Variants in TNNI1 observed in about 807,000 individuals in gnomAD.
TNNI1 encodes the protein troponin I1, slow skeletal type.
In TNNI1, 14 loss-of-function variants were observed where a neutral mutation model predicts 26.7. That is an observed-to-expected ratio of 0.52 (90% CI 0.35 to 0.82). The LOEUF (loss-of-function observed/expected upper bound fraction) is 0.82. Ranked by LOEUF, TNNI1 falls within the 40% of genes least tolerant of loss-of-function variation. The probability of loss-of-function intolerance (pLI) is 0.01; values close to 1 mark genes in which losing one functional copy is unlikely to be tolerated. For missense variants in TNNI1, 164 were observed against 257.0 expected (o/e 0.64, Z 2.47); for synonymous variants, 79 against 98.2 (o/e 0.80, Z 1.16).
chr1:201,413,163 G>T, intron 5 of TNNI1, 42 bp from the exon 6 acceptor site: 1 of 1,605,414 alleles, frequency 6.2e-7, no homozygotes, highest in Non-Finnish European at 8.5e-7. Flanking sequence ...AAGAAGAGGG[G>T]AACAGAGACA....
rs557583110 is a variant in TNNI1, at chr1:201,404,264, G to A, written c.*4989C>T. Reference sequence around the variant, plus strand: ...CCTTTCTCGGACAGGACAGAGTGGAGATCCAGGGGGATCCCCAGCCCCAAC... The same window carrying A: ...CCTTTCTCGGACAGGACAGAGTGGAAATCCAGGGGGATCCCCAGCCCCAAC... On this transcript the variant is annotated 3_prime_UTR_variant, in exon 9 of 9. Transcript: ENST00000361379. The A allele has an allele frequency of 6.6e-6, 1 of 152,300 alleles. No individual in the cohort carries two copies. Among genetic ancestry groups the A allele is most frequent in the South Asian group, 2.1e-4 (1 of 4,816 alleles). 9.4% of individuals were successfully genotyped at this position (152,300 alleles called of 1,614,324 possible).
In TNNI1 at chr1:201,409,082, C is replaced by T. The variant is rs1214197278; in HGVS notation, c.*171G>A. On this transcript the variant is annotated 3_prime_UTR_variant, in exon 9 of 9. Transcript: ENST00000361379. ...TCTTCAGACACTCGCGTTTTTCCTG[C>T]CTCTTGGGTATCTGTTTAATCCCAG... 2 of 152,296 alleles carry T rather than the reference C, an allele frequency of 1.3e-5. No homozygotes were observed. Among genetic ancestry groups the T allele is most frequent in the East Asian group, 1.9e-4 (1 of 5,170 alleles). The allele number at this position is 152,296 out of a possible 1,614,324, so 9.4% of individuals were successfully genotyped here. A position where few individuals can be genotyped will look rare whatever the true frequency, so the allele number is the denominator to read the frequency against.
At chr1:201,410,087 C>T in intron 8 of TNNI1, 1 of 457,514 alleles carries the variant, frequency 2.2e-6, no homozygotes, top group Non-Finnish European at 3.9e-6. Context: ...TTTGATACAG[C>T]CCCCAATTTC....
At position 201,403,998 on chromosome 1, in the gene TNNI1, C is replaced by CTT. The variant is rs1662469153; in HGVS notation, c.*5253_*5254dup. The CTT allele has an allele frequency of 1.3e-5, 2 of 152,152 alleles. 1 individual carries two copies. Among genetic ancestry groups the CTT allele is most frequent in the Non-Finnish European group, 2.9e-5 (2 of 68,028 alleles). The allele number at this position is 152,152 out of a possible 1,614,324, so 9.4% of individuals were successfully genotyped here. A position where few individuals can be genotyped will look rare whatever the true frequency, so the allele number is the denominator to read the frequency against. ...GCAGATGGGTGTTCACTTTACGATTCTTTATACGTACATTAAAAACGTATG... is the reference window on the plus strand; with the variant it reads ...GCAGATGGGTGTTCACTTTACGATTCTTTTTATACGTACATTAAAAACGTATG... On this transcript the variant is annotated 3_prime_UTR_variant, in exon 9 of 9. Transcript: ENST00000361379.
intron 3 of TNNI1, 131 bp downstream of exon 3, chr1:201,416,985 A>G (rs780171328): frequency 5.6e-6 from 6 of 1,071,874 alleles, no homozygotes; most frequent in Non-Finnish European, 8.7e-6. Flanking sequence ...GCCACTAAAT[A>G]CCCTACACCC....
chr1:201,406,426 T>G lies in TNNI1; in HGVS notation c.*2827A>C, dbSNP rs1473483005. ...TCCTGGGACCACCACTTATTAGCTG[T>G]GTGATCATGAAAAGTCCCTAACCTC... On this transcript the variant is annotated 3_prime_UTR_variant, in exon 9 of 9. Coordinates refer to ENST00000361379, the MANE Select transcript of TNNI1 (RefSeq NM_003281.4). 6.6e-6 allele frequency: 1 copy of G among 152,234 alleles called. No individual in the cohort carries two copies. Among genetic ancestry groups the G allele is most frequent in the Non-Finnish European group, 1.5e-5 (1 of 68,032 alleles). 9.4% of individuals were successfully genotyped at this position (152,234 alleles called of 1,614,324 possible).
rs1490154423 is a variant in TNNI1 at position 201,411,039 on chromosome 1, C to T, written c.456+318G>A. Among the ~76,000 whole-genome samples, 1 of 152,224 alleles carries T rather than the reference C, an allele frequency of 6.6e-6. No homozygotes were observed. The highest frequency in any genetic ancestry group is 1.5e-5 in the Non-Finnish European group (1 of 68,040). On this transcript the variant is annotated intron_variant, in intron 7 of 8. Transcript: ENST00000361379. This position sits in a 1 kb window ranked among gnomAD's most constrained non-coding sequence, Gnocchi z 4.6. ...GTCTCCTTTCCCTGTGGTGACCAGG[C>T]AGTCATCTCCACCATTACCCTAAAT...
rs529744755 is a variant in TNNI1, at chr1:201,404,380, G to A, written c.*4873C>T. On this transcript the variant is annotated 3_prime_UTR_variant, in exon 9 of 9. Transcript: ENST00000361379. ...ACTGCCATGCTTGTGGCACTCTTAGGGGAAGGGAAGAAATGAATGAGGTGA... is the reference window on the plus strand; with the variant it reads ...ACTGCCATGCTTGTGGCACTCTTAGAGGAAGGGAAGAAATGAATGAGGTGA... 2 of 152,246 alleles carry A rather than the reference G, an allele frequency of 1.3e-5. No individual in the cohort carries two copies. The highest frequency in any genetic ancestry group is 2.1e-4 in the South Asian group (1 of 4,814). 9.4% of individuals were successfully genotyped at this position (152,246 alleles called of 1,614,324 possible).
chr1:201,410,079 T>C, intron 8 of TNNI1: 1 of 431,978 alleles, frequency 2.3e-6, no homozygotes, highest in South Asian at 3.5e-5. Context: ...ACCACTGATT[T>C]GATACAGCCC....
chr1:201,417,133 T>C lies in TNNI1; in HGVS notation c.12-14A>G. The C allele has an allele frequency of 6.2e-7, 1 of 1,613,940 alleles. No individual in the cohort carries two copies. The highest frequency in any genetic ancestry group is 8.5e-7 in the Non-Finnish European group (1 of 1,179,968). ...TCACTTACCTCGCTTCAGGCATCCA[T>C]CACAGGAAGGACGGGGAAAGAGCAG... On this transcript the variant is annotated splice_polypyrimidine_tract_variant and intron_variant, in intron 2 of 8. Transcript: ENST00000361379.
At chr1:201,412,501 G>A (rs1208164629) in intron 6 of TNNI1, among the ~76,000 whole-genome samples, 2 of 152,120 alleles carry the variant, frequency 1.3e-5, no homozygotes, top group African/African-American at 2.4e-5. Context: ...ACTGGAGCAG[G>A]GTCTGGGTGG....
At chr1:201,421,644 A>T (rs1167830489) in intron 1 of TNNI1, 29 bp downstream of exon 1, 1 of 152,168 alleles carries the variant, frequency 6.6e-6, no homozygotes, top group East Asian at 1.9e-4. Context: ...ATCAACCTAC[A>T]TCTGAAGTTC....
chr1:201,410,163 G>GC, intron 8 of TNNI1, 163 bp downstream of exon 8: 1 of 608,254 alleles, frequency 1.6e-6, no homozygotes, highest in Non-Finnish European at 2.9e-6. Flanking sequence ...TGGTGCTGGA[G>GC]CCAGGACTGA....
At chr1:201,413,736 C>T (rs1036301932) in intron 5 of TNNI1, among the ~76,000 whole-genome samples, 1 of 152,052 alleles carries the variant, frequency 6.6e-6, no homozygotes, top group Non-Finnish European at 1.5e-5. Context: ...CAGAATGAGA[C>T]TCTGCCTCAA....
intron 1 of TNNI1, among the ~76,000 whole-genome samples, 175 bp downstream of exon 1, chr1:201,421,498 T>G (rs1662855826): frequency 6.6e-6 from 1 of 152,190 alleles, no homozygotes; most frequent in Admixed American, 6.5e-5. Context: ...GAGATGCCAT[T>G]CTGTGGGACA....
rs538543538 is a variant in TNNI1, at chr1:201,417,451, C to T, written c.11+332G>A. Among the ~76,000 whole-genome samples, 271 of 152,224 alleles carry T rather than the reference C, an allele frequency of 1.8e-3. 1 individual carries two copies. Among genetic ancestry groups the T allele is most frequent in the African/African-American group, 5.9e-3 (246 of 41,546 alleles). On this transcript the variant is annotated intron_variant, in intron 2 of 8. Transcript: ENST00000361379. ...ACGTGAAAGCATCCATCCACGGGTG[C>T]GTGGGTAAATTCCCAAAGCTTTGTT...
rs1194350770 is a variant in TNNI1, at chr1:201,406,360, G to T, written c.*2893C>A. The stretch of plus-strand genomic sequence containing the variant: ...TTATTGAAATGCTGTTATTAAAATA[G>T]TCGATAAGAGTATGGATTCTAACAG... On this transcript the variant is annotated 3_prime_UTR_variant, in exon 9 of 9. Coordinates refer to ENST00000361379, the MANE Select transcript of TNNI1 (RefSeq NM_003281.4). 2.0e-5 allele frequency: 3 copies of T among 152,184 alleles called. No individual in the cohort carries two copies. The highest frequency in any genetic ancestry group is 7.2e-5 in the African/African-American group (3 of 41,438). The allele number at this position is 152,184 out of a possible 1,614,324, so 9.4% of individuals were successfully genotyped here. A position where few individuals can be genotyped will look rare whatever the true frequency, so the allele number is the denominator to read the frequency against.
intron 5 of TNNI1, 143 bp from the exon 6 acceptor site, chr1:201,413,264 T>C: frequency 1.2e-6 from 1 of 803,472 alleles, no homozygotes. Flanking sequence ...CTGAGGCTCA[T>C]GACGGGCAAT....
At chr1:201,421,217 C>G (rs926619340) in intron 1 of TNNI1, among the ~76,000 whole-genome samples, 4 of 152,150 alleles carry the variant, frequency 2.6e-5, no homozygotes, top group African/African-American at 9.7e-5. Context: ...CTTCTAGGCT[C>G]CCTGGGAGTC....
Sources: gnomAD v4.1 joint callset for allele counts (sites outside exome capture counted in the v4.1 genomes callset) on GRCh38, gnomAD v4.1.1 for gene constraint, Gnocchi (gnomAD v3.1) non-coding constraint, MANE v1.5 for transcripts, NCBI Gene and HGNC (gene_info 2026-07-23, HGNC 2026-07-21) for gene names.